The following PPP5C variants were observed in gnomAD, a reference collection of about 807,000 sequenced individuals.
The protein encoded by PPP5C is serine/threonine-protein phosphatase 5.
In PPP5C, 21 loss-of-function variants were observed where a neutral mutation model predicts 66.7. That is an observed-to-expected ratio of 0.31 (90% CI 0.22 to 0.45). The LOEUF is 0.45. Ranked by LOEUF, PPP5C falls within the 20% of genes least tolerant of loss-of-function variation. The pLI is 1.00. For missense variants in PPP5C, 464 were observed against 675.9 expected, an observed-to-expected ratio of 0.69 and a Z score of 3.48; for synonymous variants, 246 against 257.4, an observed-to-expected ratio of 0.96 and a Z score of 0.43.
intron 4 of PPP5C, among the ~76,000 whole-genome samples, chr19:46,379,426 A>G (rs1972751889): frequency 6.6e-6 from 1 of 152,120 alleles, no homozygotes; most frequent in Admixed American, 6.6e-5. Context: ...GACCTCAGAT[A>G]ATCCACCCAC....
In PPP5C at chr19:46,390,036, C is replaced by T. The variant is rs758322714; in HGVS notation, c.1356-15C>T. ...AGCCCTGACCACACTGTCCACTCTG[C>T]TCCTGTCCCTGCAGCGACCAGATGG... On this transcript the variant is annotated splice_polypyrimidine_tract_variant and intron_variant, in intron 11 of 12. Transcript: ENST00000012443. The T allele has an allele frequency of 3.8e-5, 61 of 1,613,352 alleles. No homozygotes were observed. The highest frequency in any genetic ancestry group is 5.1e-5 in the Non-Finnish European group (60 of 1,179,404).
rs1269359863 is a variant in PPP5C, at chr19:46,388,078, G to A, written c.1136-330G>A. The A allele has an allele frequency of 1.5e-5, 5 of 336,594 alleles. No individual in the cohort carries two copies. Among genetic ancestry groups the A allele is most frequent in the Non-Finnish European group, 2.7e-5 (5 of 182,198 alleles). The allele number at this position is 336,594 out of a possible 1,614,324, so 20.9% of individuals were successfully genotyped here. ...TATGGCGCTTTACAGGCCCCAGTGA[G>A]GAACTTTGTTCCTAGGGCAGTGCGG... is the stretch of plus-strand genomic sequence containing the variant. On this transcript the variant is annotated intron_variant, in intron 9 of 12. Transcript: ENST00000012443. The surrounding 1 kb of genome is among the most constrained non-coding windows in gnomAD (Gnocchi z 4.9).
intron 2 of PPP5C, among the ~76,000 whole-genome samples, chr19:46,355,453 T>C (rs904180043): frequency 5.3e-5 from 8 of 151,876 alleles, no homozygotes; most frequent in African/African-American, 1.7e-4. Flanking sequence ...CTGTCCTGGC[T>C]GTTGGCCGCT....
chr19:46,355,351 G>A (rs1972266747), intron 2 of PPP5C, among the ~76,000 whole-genome samples: 1 of 152,196 alleles, frequency 6.6e-6, no homozygotes, highest in Non-Finnish European at 1.5e-5. Flanking sequence ...GTCGTGTAGG[G>A]AGGGGCAACC....
At chr19:46,361,756 T>C (rs1280299379) in intron 2 of PPP5C, among the ~76,000 whole-genome samples, 1 of 145,608 alleles carries the variant, frequency 6.9e-6, no homozygotes, top group Non-Finnish European at 1.5e-5. Context: ...AGAGCCAGAC[T>C]CCGTCTCAAA....
At chr19:46,377,882 T>G (rs1463030928) in intron 4 of PPP5C, among the ~76,000 whole-genome samples, 7 of 152,242 alleles carry the variant, frequency 4.6e-5, no homozygotes, top group African/African-American at 1.7e-4. Context: ...GCAGTCTTCT[T>G]TTGAGAGACA....
intron 2 of PPP5C, among the ~76,000 whole-genome samples, chr19:46,356,906 G>C (rs1309431239): frequency 2.0e-5 from 3 of 152,244 alleles, no homozygotes; most frequent in Non-Finnish European, 4.4e-5. Flanking sequence ...TCTGGGCTCA[G>C]GACGCCTAGG....
intron 2 of PPP5C, among the ~76,000 whole-genome samples, chr19:46,359,596 T>C (rs1390019642): frequency 6.6e-6 from 1 of 152,042 alleles, no homozygotes; most frequent in Non-Finnish European, 1.5e-5. Context: ...AACTGAAGCA[T>C]CATTTTTCCT....
chr19:46,357,676 A>G (rs1268904309), intron 2 of PPP5C, among the ~76,000 whole-genome samples: 1 of 152,222 alleles, frequency 6.6e-6, no homozygotes, highest in Non-Finnish European at 1.5e-5. Flanking sequence ...TTAATTTGCT[A>G]GAGAACTCCC....
At chr19:46,390,211 G>C in intron 12 of PPP5C, 73 bp from the exon 13 acceptor site, 1 of 1,606,592 alleles carries the variant, frequency 6.2e-7, no homozygotes, top group South Asian at 1.1e-5. Context: ...AAGGGGCAGG[G>C]GTAGGTTCTG....
chr19:46,378,044 G>A (rs1489931271), intron 4 of PPP5C, among the ~76,000 whole-genome samples: 1 of 152,116 alleles, frequency 6.6e-6, no homozygotes, highest in Non-Finnish European at 1.5e-5. Context: ...TATTCTCTAT[G>A]CATGCTTGAG....
intron 7 of PPP5C, among the ~76,000 whole-genome samples, chr19:46,386,060 C>T (rs1019079927): frequency 3.9e-5 from 6 of 152,056 alleles, no homozygotes; most frequent in Non-Finnish European, 8.8e-5. Context: ...GGGTTTTGGC[C>T]GGAGTATCTG....
chr19:46,388,535 C>T lies in PPP5C; in HGVS notation c.1177-18C>T. 6.2e-7 allele frequency: 1 copy of T among 1,612,690 alleles called. No individual in the cohort carries two copies. Among genetic ancestry groups the T allele is most frequent in the Non-Finnish European group, 8.5e-7 (1 of 1,178,854 alleles). On this transcript the variant is annotated intron_variant, in intron 10 of 12. Transcript: ENST00000012443. The surrounding 1 kb of genome is among the most constrained non-coding windows in gnomAD (Gnocchi z 4.9). ...CAGTCACCCTGAACCCCTGTCTCTC[C>T]CTTCTGCCCACCCTCAGAACGGGCG...
rs1972692307 is a variant in PPP5C, at chr19:46,376,192, A to T, written c.512-261A>T. Among the ~76,000 whole-genome samples, 1 of 152,134 alleles carries T rather than the reference A, an allele frequency of 6.6e-6. No homozygotes were observed. The highest frequency in any genetic ancestry group is 2.4e-5 in the African/African-American group (1 of 41,438). On this transcript the variant is annotated intron_variant, in intron 3 of 12. Transcript: ENST00000012443. This position sits in a 1 kb window ranked among gnomAD's most constrained non-coding sequence, Gnocchi z 5.1. ...GCCGATATTCTAGGAGGGAGATAAGATGATGAATAAGTCATGAAATGAATA... is the reference window on the plus strand; with the variant it reads ...GCCGATATTCTAGGAGGGAGATAAGTTGATGAATAAGTCATGAAATGAATA...
rs1972558192 is a variant in PPP5C at position 46,369,925 on chromosome 19, GGAA to G, written c.364-5678_364-5676del. On this transcript the variant is annotated intron_variant, in intron 2 of 12. Transcript: ENST00000012443. ...TGGGCAGCAGAGCGAGACTCCGTCT[GGAA>G]AAAAAAAAAAAAAAAGATAAAATCT... 2.9e-5 allele frequency among the ~76,000 whole-genome samples: 4 copies of G among 136,082 alleles called. 1 individual carries two copies. Among genetic ancestry groups the G allele is most frequent in the African/African-American group, 1.1e-4 (4 of 36,450 alleles). 89.3% of individuals were successfully genotyped at this position (136,082 alleles called of 152,430 possible).
chr19:46,383,865 A>G lies in PPP5C; in HGVS notation c.785A>G (p.Glu262Gly), dbSNP rs1568576445. ...NIFELNGLPS[E>G]TNPYIFNGDF... ...TTCGAGCTCAACGGTTTACCCTCGG[A>G]GACCAACCCCTATGTATCCTTCTCA... The change falls in exon 6 of 13, where the codon GAG becomes GGG. Residue 262 changes from glutamate (E) to glycine (G), a missense_variant. Physicochemically the swap from Glu to Gly is moderately conservative, Grantham distance 98. Coordinates refer to ENST00000012443, the MANE Select transcript of PPP5C (RefSeq NM_006247.4). This position sits in a 1 kb window ranked among gnomAD's most constrained non-coding sequence, Gnocchi z 5.0. The G allele has an allele frequency of 6.2e-7, 1 of 1,612,686 alleles. No individual in the cohort carries two copies. Among genetic ancestry groups the G allele is most frequent in the Non-Finnish European group, 8.5e-7 (1 of 1,178,712 alleles).
rs145812034 is a variant in PPP5C, at chr19:46,364,429, A to T, written c.363+10440A>T. 2.8e-4 allele frequency among the ~76,000 whole-genome samples: 42 copies of T among 152,110 alleles called. No homozygotes were observed. The East Asian group carries it at 7.9e-3, about 29-fold the overall frequency. On this transcript the variant is annotated intron_variant, in intron 2 of 12. Transcript: ENST00000012443. Reference sequence around the variant, plus strand: ...CCAGAATCCTGGGCAACATGGCAAGACCTCTTCTCTAGTCTCAAAAAAATG... The same window carrying T: ...CCAGAATCCTGGGCAACATGGCAAGTCCTCTTCTCTAGTCTCAAAAAAATG...
intron 2 of PPP5C, among the ~76,000 whole-genome samples, chr19:46,368,113 A>G (rs977268203): frequency 4.6e-5 from 7 of 152,240 alleles, no homozygotes; most frequent in African/African-American, 7.2e-5. Context: ...ACAGCAGCAC[A>G]TCCCTGGAGA....
intron 1 of PPP5C, among the ~76,000 whole-genome samples, chr19:46,352,854 C>T (rs1195881449): frequency 6.6e-6 from 1 of 151,868 alleles, no homozygotes; most frequent in African/African-American, 2.4e-5. Context: ...CACTTGTCAC[C>T]TGCTGTGTGA....
Sources: allele counts gnomAD v4.1 joint callset (sites outside exome capture counted in the v4.1 genomes callset), GRCh38; gene constraint gnomAD v4.1.1; non-coding constraint Gnocchi (gnomAD v3.1); transcripts MANE v1.5; gene names NCBI Gene and HGNC (gene_info 2026-07-23, HGNC 2026-07-21).